Variants in PDE4B observed in about 807,000 individuals in gnomAD.
The protein encoded by PDE4B is phosphodiesterase 4B.
PDE4B carries 20 observed loss-of-function variants against 82.2 expected under a neutral mutation model. That is an observed-to-expected ratio of 0.24 (90% CI 0.17 to 0.35). The LOEUF (loss-of-function observed/expected upper bound fraction) is 0.35, where lower values mean the gene tolerates loss of function less well. PDE4B is among the 10% of genes least tolerant of loss of function. The pLI is 1.00. For synonymous variants in PDE4B, 320 were observed against 318.9 expected, an observed-to-expected ratio of 1.00 and a Z score of -0.04; for missense variants, 655 against 907.2, an observed-to-expected ratio of 0.72 and a Z score of 3.57.
At chr1:65,883,121 T>C (rs1230828768) in intron 1 of PDE4B, among the ~76,000 whole-genome samples, 2 of 152,210 alleles carry the variant, frequency 1.3e-5, no homozygotes, top group Non-Finnish European at 2.9e-5. Flanking sequence ...ATGAAAATGC[T>C]TTGTCTTGGA....
At chr1:65,841,999 T>C (rs1438910567) in intron 1 of PDE4B, among the ~76,000 whole-genome samples, 1 of 152,184 alleles carries the variant, frequency 6.6e-6, no homozygotes, top group Non-Finnish European at 1.5e-5. Flanking sequence ...CATTATCTAA[T>C]TAGAAATATT....
chr1:65,887,414 GTTTTTTTTT>G (rs34263724), intron 1 of PDE4B, among the ~76,000 whole-genome samples: 177 of 7,732 alleles, frequency 0.023, 16 homozygotes, highest in Admixed American at 0.15. Context: ...TTTTTCTTCT[GTTTTTTTTT>G]TTTTTTTTTT....
chr1:65,941,194 C>A (rs1648426395), intron 3 of PDE4B, among the ~76,000 whole-genome samples: 1 of 151,960 alleles, frequency 6.6e-6, no homozygotes, highest in African/African-American at 2.4e-5. Context: ...CACAGTCTTG[C>A]CAAGGAGTGC....
intron 1 of PDE4B, among the ~76,000 whole-genome samples, chr1:65,883,511 C>G (rs1434564160): frequency 1.3e-5 from 2 of 152,080 alleles, no homozygotes; most frequent in Admixed American, 1.3e-4. Flanking sequence ...GATTTTGTAT[C>G]CTGAGACTTT....
intron 1 of PDE4B, among the ~76,000 whole-genome samples, chr1:65,907,674 T>G (rs1481868979): frequency 6.6e-6 from 1 of 152,170 alleles, no homozygotes; most frequent in Non-Finnish European, 1.5e-5. Context: ...CGTTTATACT[T>G]TATGAATTGA....
chr1:66,361,364 A>G (rs1662755886), intron 9 of PDE4B, among the ~76,000 whole-genome samples: 1 of 152,178 alleles, frequency 6.6e-6, no homozygotes, highest in Non-Finnish European at 1.5e-5. Flanking sequence ...TTTCTGGACA[A>G]GTTACTTCGT....
At position 66,336,797 on chromosome 1, in the gene PDE4B, A is replaced by G. The variant is rs549394401; in HGVS notation, c.747+4177A>G. 2.2e-3 allele frequency among the ~76,000 whole-genome samples: 339 copies of G among 152,302 alleles called. 3 individuals are homozygous for G. Among genetic ancestry groups the G allele is most frequent in the Middle Eastern group, 0.02 (6 of 294 alleles). ...CATGAGGAAGTGAGTCCTCCTGGCT[A>G]TGCAGGCTTATTTTTCCAGTTCTTC... is the stretch of plus-strand genomic sequence containing the variant. On this transcript the variant is annotated intron_variant, in intron 8 of 16. Transcript: ENST00000341517.
chr1:66,296,052 T>C (rs1657491056), intron 7 of PDE4B, among the ~76,000 whole-genome samples: 1 of 152,178 alleles, frequency 6.6e-6, no homozygotes, highest in East Asian at 1.9e-4. Flanking sequence ...CCCGCTGGTT[T>C]AGACCCAATT....
chr1:66,196,100 C>A (rs763784720), intron 3 of PDE4B, among the ~76,000 whole-genome samples: 2 of 152,178 alleles, frequency 1.3e-5, no homozygotes, highest in Non-Finnish European at 2.9e-5. Context: ...AGCTAGAAAC[C>A]TCAGAGAATG....
At chr1:66,367,354 T>C (rs1663325168) in intron 13 of PDE4B, 1 of 170,304 alleles carries the variant, frequency 5.9e-6, no homozygotes, top group Non-Finnish European at 1.3e-5. Flanking sequence ...TTTTCCAAAG[T>C]ACAAAATTTT....
chr1:66,143,943 A>G (rs1339929396), intron 3 of PDE4B, among the ~76,000 whole-genome samples: 1 of 152,250 alleles, frequency 6.6e-6, no homozygotes, highest in African/African-American at 2.4e-5. Flanking sequence ...AGTATCTGCA[A>G]TAACTCAGGT....
rs75834527 is a variant in PDE4B at position 65,804,598 on chromosome 1, C to G, written c.-71+11350C>G. Among the ~76,000 whole-genome samples, 549 of 152,164 alleles carry G rather than the reference C, an allele frequency of 3.6e-3. 2 individuals carry two copies. Among genetic ancestry groups the G allele is most frequent in the African/African-American group, 0.013 (528 of 41,502 alleles). ...AGCAATAATTAGAGAGTAGGGAATT[C>G]TTAAGAGAAGATAGGGGAGAAATGA... On this transcript the variant is annotated intron_variant, in intron 1 of 16. Transcript: ENST00000341517.
chr1:66,070,924 T>C (rs1458335139), intron 3 of PDE4B, among the ~76,000 whole-genome samples: 1 of 152,122 alleles, frequency 6.6e-6, no homozygotes, highest in Non-Finnish European at 1.5e-5. Flanking sequence ...GACATCATTT[T>C]ATTGATTACA....
chr1:66,372,333 T>C lies in PDE4B; in HGVS notation c.1866T>C (p.Ile622=). 1 of 1,611,440 alleles carries C rather than the reference T, an allele frequency of 6.2e-7. No individual in the cohort carries two copies. Among genetic ancestry groups the C allele is most frequent in the African/African-American group, 1.3e-5 (1 of 74,978 alleles). Residue 622 remains isoleucine, a synonymous_variant, in exon 17 of 17, where the codon ATT becomes ATC. Coordinates refer to ENST00000341517, the MANE Select transcript of PDE4B (RefSeq NM_002600.4). ...EKSQVGFIDY[I]VHPLWETWAD... is the part of the protein sequence containing the mutation. ...TCCAGGTTGGTTTCATCGACTACAT[T>C]GTCCATCCATTGTGGGAGACATGGG...
At chr1:65,838,569 A>G (rs1035547040) in intron 1 of PDE4B, among the ~76,000 whole-genome samples, 2 of 147,704 alleles carry the variant, frequency 1.4e-5, no homozygotes, top group Non-Finnish European at 3.0e-5. Context: ...GTATATGTAT[A>G]TATGTATATG....
In PDE4B at chr1:66,257,799, G is replaced by A; in HGVS notation, c.520G>A (p.Ala174Thr). The A allele has an allele frequency of 6.2e-7, 1 of 1,612,978 alleles. No homozygotes were observed. Among genetic ancestry groups the A allele is most frequent in the Non-Finnish European group, 8.5e-7 (1 of 1,179,208 alleles). ...TAAAACATTTTTCTTCTAGGTCCTTGCCAGCTTGCGAAGTGTGAGAAACAA... is the reference window on the plus strand; with the variant it reads ...TAAAACATTTTTCTTCTAGGTCCTTACCAGCTTGCGAAGTGTGAGAAACAA... ...LIVTPFAQVL[A>T]SLRSVRNNFT... The change falls in exon 6 of 17, where the codon GCC (alanine) becomes ACC (threonine). Residue 174 changes from alanine to threonine, a missense_variant. This residue lies in a region of PDE4B where 253 missense variants were observed against 275.6 expected (regional missense o/e 0.92). Transcript: ENST00000341517.
intron 1 of PDE4B, among the ~76,000 whole-genome samples, chr1:65,884,266 G>A (rs1646745144): frequency 6.6e-6 from 1 of 152,112 alleles, no homozygotes; most frequent in South Asian, 2.1e-4. Context: ...GGTAGAATTT[G>A]GCTGTGAATC....
chr1:65,793,401 C>T lies in PDE4B; in HGVS notation c.-71+153C>T, dbSNP rs978901894. 3.1e-4 allele frequency among the ~76,000 whole-genome samples: 47 copies of T among 152,244 alleles called. 1 individual carries two copies. The highest frequency in any genetic ancestry group is 3.1e-3 in the Admixed American group (47 of 15,292). ...CGGGCCTGGATGGTCGTCTTGACGG[C>T]GTCATTGTCGCCCCTTGTAGGAAAT... On this transcript the variant is annotated intron_variant, in intron 1 of 16. Transcript: ENST00000341517.
At chr1:66,041,825 CACAT>C (rs1175030105) in intron 3 of PDE4B, among the ~76,000 whole-genome samples, 1,386 of 40,480 alleles carry the variant, frequency 0.034, 31 homozygotes, top group Non-Finnish European at 0.049. Flanking sequence ...CACACACACA[CACAT>C]ACACACACAC....
Sources: gnomAD v4.1 joint callset for allele counts (sites outside exome capture counted in the v4.1 genomes callset) on GRCh38, gnomAD v4.1.1 for gene constraint, gnomAD v4.1.1 regional missense constraint, MANE v1.5 for transcripts, NCBI Gene and HGNC (gene_info 2026-07-23, HGNC 2026-07-21) for gene names.